EIF2B5: variants seen among roughly 807,000 people sequenced by gnomAD.
EIF2B5 encodes eukaryotic translation initiation factor 2B subunit epsilon.
A neutral mutation model predicts 87.3 loss-of-function variants in EIF2B5; 38 were observed. The observed-to-expected ratio is 0.44, with a 90% CI of 0.34 to 0.57. The LOEUF (loss-of-function observed/expected upper bound fraction) is 0.57. EIF2B5 is among the 20% of genes least tolerant of loss of function. The pLI is 0.02. For synonymous variants in EIF2B5, 313 were observed against 339.6 expected (o/e 0.92, Z 0.86); for missense variants, 784 against 909.5 (o/e 0.86, Z 1.78).
Position 184,135,729 on chromosome 3 carries a change from C to T in EIF2B5, c.195+149C>T, listed in dbSNP as rs996113836. 36 of 1,122,372 alleles carry T rather than the reference C, an allele frequency of 3.2e-5. No individual in the cohort carries two copies. The Middle Eastern group carries it at 8.7e-4, about 27-fold the overall frequency. 69.5% of individuals were successfully genotyped at this position (1,122,372 alleles called of 1,614,324 possible). On this transcript the variant is annotated intron_variant, in intron 1 of 15. Coordinates refer to ENST00000648915, the MANE Select transcript of EIF2B5 (RefSeq NM_003907.3). ...ACCGGATGCAGAGGGACTGTCTAAA[C>T]CCTGATGACTGCTGACCAAGTTAGT...
intron 7 of EIF2B5, 25 bp from the exon 8 acceptor site, chr3:184,141,900 C>G (rs756556789): frequency 1.2e-6 from 2 of 1,613,736 alleles, no homozygotes; most frequent in Non-Finnish European, 1.7e-6. Context: ...CTGAGTTACC[C>G]AGAGGTCTTC....
chr3:184,143,869 G>T, intron 13 of EIF2B5: 1 of 714,766 alleles, frequency 1.4e-6, no homozygotes, highest in East Asian at 2.6e-5. Context: ...CCTCTGGGGT[G>T]GGAATAGGTA....
In EIF2B5 at chr3:184,145,035, AC is replaced by A; in HGVS notation, c.*94del. ...GGAACTAGCTGCAGAGGGATGAGTG[AC>A]CACCATCCAGGCTGAGACTGAAAGG... On this transcript the variant is annotated 3_prime_UTR_variant, in exon 16 of 16. Transcript: ENST00000648915. This position sits in a 1 kb window ranked among gnomAD's most constrained non-coding sequence, Gnocchi z 4.0. 8.7e-7 allele frequency: 1 copy of A among 1,154,822 alleles called. No individual in the cohort carries two copies. The highest frequency in any genetic ancestry group is 1.3e-6 in the Non-Finnish European group (1 of 774,654). 71.5% of individuals were successfully genotyped at this position (1,154,822 alleles called of 1,614,324 possible).
At chr3:184,144,800 G>A in intron 15 of EIF2B5, 84 bp from the exon 16 acceptor site, 1 of 1,581,588 alleles carries the variant, frequency 6.3e-7, no homozygotes, top group Non-Finnish European at 8.6e-7. Flanking sequence ...TGGGGCTCTG[G>A]TTGTTAGAGC....
chr3:184,140,021 CAAA>C (rs112477801), intron 5 of EIF2B5, 56 bp from the exon 6 acceptor site: 5,464 of 1,174,588 alleles, frequency 4.7e-3, no homozygotes, highest in East Asian at 5.5e-3. Context: ...AGACTTGTCT[CAAA>C]AAAAAAAAAA....
chr3:184,135,538 C>A lies in EIF2B5; in HGVS notation c.153C>A (p.Ser51Arg). 1 of 1,590,950 alleles carries A rather than the reference C, an allele frequency of 6.3e-7. No homozygotes were observed. Among genetic ancestry groups the A allele is most frequent in the Non-Finnish European group, 8.5e-7 (1 of 1,169,854 alleles). ...PPLQAVLVADSFDRRFFPISK... is the reference protein window; with the variant it reads ...PPLQAVLVADRFDRRFFPISK... ...TACAAGCAGTTCTGGTGGCCGATAG[C>A]TTCGATCGCCGCTTCTTCCCCATCT... The change falls in exon 1 of 16, where the codon AGC becomes AGA. Residue 51 changes from serine (S) to arginine (R), a missense_variant. Coordinates refer to ENST00000648915, the MANE Select transcript of EIF2B5 (RefSeq NM_003907.3).
At position 184,135,536 on chromosome 3, in the gene EIF2B5, A is replaced by T. The variant is rs1305427208; in HGVS notation, c.151A>T (p.Ser51Cys). Residue 51 changes from serine to cysteine, a missense_variant, in exon 1 of 16, where the codon AGC becomes TGC. Physicochemically the swap from Ser to Cys is moderately radical, Grantham distance 112 (BLOSUM62 -1). Around this residue, in one of 3 missense-constraint regions of EIF2B5, gnomAD observed 117 missense variants for 101.0 expected, o/e 1.16. Coordinates refer to ENST00000648915, the MANE Select transcript of EIF2B5 (RefSeq NM_003907.3). ...PPLQAVLVAD[S>C]FDRRFFPISK... ...CCTACAAGCAGTTCTGGTGGCCGAT[A>T]GCTTCGATCGCCGCTTCTTCCCCAT... 1.3e-6 allele frequency: 2 copies of T among 1,591,524 alleles called. No individual in the cohort carries two copies. The highest frequency in any genetic ancestry group is 1.7e-6 in the Non-Finnish European group (2 of 1,170,082).
intron 5 of EIF2B5, 70 bp downstream of exon 5, chr3:184,138,316 G>C: frequency 7.6e-7 from 1 of 1,311,680 alleles, no homozygotes; most frequent in East Asian, 2.3e-5. Context: ...TGTCCCCTTA[G>C]AAGGCCAGGG....
intron 1 of EIF2B5, 104 bp from the exon 2 acceptor site, chr3:184,136,508 A>G: frequency 6.8e-7 from 1 of 1,478,000 alleles, no homozygotes; most frequent in Non-Finnish European, 9.4e-7. Context: ...AGATACAGCA[A>G]AATTACACTG....
rs1408289143 is a variant in EIF2B5, at chr3:184,143,147, G to A, written c.1745+5G>A. Reference sequence around the variant, plus strand: ...CCTGGAAATCAACTCTCTCAAGTAAGAGCAGCCCCTCCCTGTTCTCCTCGG... The same window carrying A: ...CCTGGAAATCAACTCTCTCAAGTAAAAGCAGCCCCTCCCTGTTCTCCTCGG... On this transcript the variant is annotated splice_donor_5th_base_variant and intron_variant, in intron 12 of 15. Coordinates refer to ENST00000648915, the MANE Select transcript of EIF2B5 (RefSeq NM_003907.3). 1 of 1,612,596 alleles carries A rather than the reference G, an allele frequency of 6.2e-7. No homozygotes were observed. The highest frequency in any genetic ancestry group is 1.3e-5 in the African/African-American group (1 of 75,030).
At chr3:184,139,487 G>A (rs1400523914) in intron 5 of EIF2B5, among the ~76,000 whole-genome samples, 1 of 150,558 alleles carries the variant, frequency 6.6e-6, no homozygotes, top group Non-Finnish European at 1.5e-5. Flanking sequence ...TACCATGTTG[G>A]TCAGGCTGGT....
rs201693095 is a variant in EIF2B5, at chr3:184,143,613, G to A, written c.1869+48G>A. 2.1e-5 allele frequency: 34 copies of A among 1,613,738 alleles called. No individual in the cohort carries two copies. The East Asian group carries it at 7.1e-4, about 34-fold the overall frequency. On this transcript the variant is annotated intron_variant, in intron 13 of 15. Transcript: ENST00000648915. ...TACAAGGGATTGGGTACAGGCAAAG[G>A]AAATCAGGAGTAGACTGTCTTGTTA...
In EIF2B5 at chr3:184,135,528, T is replaced by A; in HGVS notation, c.143T>A (p.Val48Glu). Residue 48 changes from valine to glutamate, a missense_variant, in exon 1 of 16, where the codon GTG becomes GAG. Val to Glu is a moderately radical substitution (Grantham distance 121). Transcript: ENST00000648915. ...CCGCCGCCCCTACAAGCAGTTCTGG[T>A]GGCCGATAGCTTCGATCGCCGCTTC... ...EPPPPLQAVL[V>E]ADSFDRRFFP... The A allele has an allele frequency of 6.3e-7, 1 of 1,590,696 alleles. No homozygotes were observed. Among genetic ancestry groups the A allele is most frequent in the Admixed American group, 1.8e-5 (1 of 57,002 alleles).
In EIF2B5 at chr3:184,142,157, C is replaced by A; in HGVS notation, c.1303-80C>A. 10 of 1,613,896 alleles carry A rather than the reference C, an allele frequency of 6.2e-6. No individual in the cohort carries two copies. The East Asian group carries it at 1.3e-4, about 22-fold the overall frequency. ...AGGGGCATTATTTCCACCCATAATCCTGTCTAAAAAAGTTGCTCTCATTAT... is the reference window on the plus strand; with the variant it reads ...AGGGGCATTATTTCCACCCATAATCATGTCTAAAAAAGTTGCTCTCATTAT... On this transcript the variant is annotated intron_variant, in intron 8 of 15. Transcript: ENST00000648915. The surrounding 1 kb of genome is among the most constrained non-coding windows in gnomAD (Gnocchi z 5.0).
chr3:184,140,510 C>T lies in EIF2B5; in HGVS notation c.936C>T (p.Asp312=), dbSNP rs371452981. 23 of 1,614,138 alleles carry T rather than the reference C, an allele frequency of 1.4e-5. No homozygotes were observed. The African/African-American group carries it at 2.3e-4, about 16-fold the overall frequency. ...NLHMYSAVCA[D]VIRRWVYPLT... ...ACATGTACTCAGCTGTCTGTGCTGA[C>T]GTCATCCGCCGATGGGTCTACCCTC... is the stretch of plus-strand genomic sequence containing the variant. Residue 312 remains aspartate, a synonymous_variant, in exon 7 of 16, where the codon GAC becomes GAT. Transcript: ENST00000648915.
chr3:184,140,590 G>T lies in EIF2B5; in HGVS notation c.1016G>T (p.Arg339Leu), dbSNP rs113994069. The T allele has an allele frequency of 6.2e-7, 1 of 1,614,140 alleles. No individual in the cohort carries two copies. The highest frequency in any genetic ancestry group is 8.5e-7 in the Non-Finnish European group (1 of 1,180,040). ...ACCACCCAGAGCTGCACTCATTCCC[G>T]GCACAACATCTACCGAGGGCCTGAG... Reference protein sequence around the residue: ...DSTTQSCTHSRHNIYRGPEVS... With the variant: ...DSTTQSCTHSLHNIYRGPEVS... The change falls in exon 7 of 16, where the codon CGG becomes CTG. Residue 339 changes from arginine (R) to leucine (L), a missense_variant. Arg to Leu is a moderately radical substitution (Grantham distance 102). Coordinates refer to ENST00000648915, the MANE Select transcript of EIF2B5 (RefSeq NM_003907.3).
chr3:184,138,330 A>G (rs1713459562), intron 5 of EIF2B5, 84 bp downstream of exon 5: 1 of 1,181,090 alleles, frequency 8.5e-7, no homozygotes, highest in Non-Finnish European at 1.3e-6. Flanking sequence ...GCCAGGGTAT[A>G]TTTCTTCTCC....
rs2109012279 is a variant in EIF2B5, at chr3:184,144,717, G to A, written c.2106+10G>A. 1 of 1,611,906 alleles carries A rather than the reference G, an allele frequency of 6.2e-7. No homozygotes were observed. Among genetic ancestry groups the A allele is most frequent in the Non-Finnish European group, 8.5e-7 (1 of 1,178,822 alleles). On this transcript the variant is annotated intron_variant, in intron 15 of 15. Transcript: ENST00000648915. ...GCGCAAGAATCAACAGGTGCGTCAG[G>A]CTGTCCTCCTCTCGCCAAGATGGTT...
intron 13 of EIF2B5, 25 bp downstream of exon 13, chr3:184,143,590 CAA>C (rs1713737555): frequency 6.8e-6 from 11 of 1,614,022 alleles, no homozygotes; most frequent in African/African-American, 1.3e-5. Context: ...GAGCTGAGTA[CAA>C]GGGATTGGGT....
Sources: allele counts gnomAD v4.1 joint callset (sites outside exome capture counted in the v4.1 genomes callset), GRCh38; gene constraint gnomAD v4.1.1; regional missense constraint gnomAD v4.1.1; non-coding constraint Gnocchi (gnomAD v3.1); transcripts MANE v1.5; gene names NCBI Gene and HGNC (gene_info 2026-07-23, HGNC 2026-07-21).